Variants in NCKAP5 observed in about 807,000 individuals in gnomAD.
NCKAP5 encodes the protein nck-associated protein 5.
In NCKAP5, 92 loss-of-function variants were observed where a neutral mutation model predicts 167.0. That is an observed-to-expected ratio of 0.55 (90% CI 0.47 to 0.66). The LOEUF is 0.66. NCKAP5 is among the 30% of genes least tolerant of loss of function. The pLI, the probability that NCKAP5 is intolerant of heterozygous loss-of-function variation, is 0.00. For synonymous variants in NCKAP5, 891 were observed against 877.4 expected (o/e 1.02, Z -0.27); for missense variants, 2,378 against 2,315.0 (o/e 1.03, Z -0.56).
Position 133,038,965 on chromosome 2 carries a change from A to G in NCKAP5, c.342-44726T>C, listed in dbSNP as rs557221244. ...GCAAAAATGTCCAAAAACATTGCAC[A>G]CATCACAGGATCCCAGTTCTGGGAA... On this transcript the variant is annotated intron_variant, in intron 6 of 19. Transcript: ENST00000409261. 6.6e-5 allele frequency among the ~76,000 whole-genome samples: 10 copies of G among 152,296 alleles called. No homozygotes were observed. In the East Asian group the frequency reaches 1.5e-3, roughly 23 times the overall value.
chr2:133,658,975 C>G, the NCKAP5 span, among the ~76,000 whole-genome samples: 1 of 152,020 alleles, frequency 6.6e-6, no homozygotes, highest in Admixed American at 6.6e-5. Context: ...ACACTGACAG[C>G]TCCTCAGGAA....
At chr2:133,550,150 C>A (rs1687155928) in intron 2 of NCKAP5, among the ~76,000 whole-genome samples, 1 of 146,206 alleles carries the variant, frequency 6.8e-6, no homozygotes, top group Admixed American at 6.8e-5. Context: ...GGATTCACAG[C>A]TGAATTCTAC....
chr2:133,158,253 G>T (rs1280906378), intron 5 of NCKAP5, among the ~76,000 whole-genome samples: 1 of 152,134 alleles, frequency 6.6e-6, no homozygotes, highest in Non-Finnish European at 1.5e-5. Context: ...TATATTGATT[G>T]GATGCAGCTG....
chr2:133,538,571 G>A (rs1480421821), intron 2 of NCKAP5, among the ~76,000 whole-genome samples: 1 of 152,042 alleles, frequency 6.6e-6, no homozygotes, highest in African/African-American at 2.4e-5. Context: ...TGAGCTCAGA[G>A]AAGGAAAAGG....
chr2:132,893,665 C>T (rs561920724), intron 8 of NCKAP5, among the ~76,000 whole-genome samples: 2 of 152,170 alleles, frequency 1.3e-5, no homozygotes, highest in Non-Finnish European at 2.9e-5. Context: ...TTTCAAAAAG[C>T]AAGCAAATTA....
At chr2:133,561,610 G>A (rs926478572) in intron 1 of NCKAP5, among the ~76,000 whole-genome samples, 27 of 152,196 alleles carry the variant, frequency 1.8e-4, no homozygotes, top group African/African-American at 5.1e-4. Flanking sequence ...AAACCAGATC[G>A]TTTCTATTTA....
rs753035570 is a variant in NCKAP5, at chr2:132,783,998, G to T, written c.2813C>A (p.Ser938Tyr). 2.5e-6 allele frequency: 4 copies of T among 1,591,052 alleles called. No homozygotes were observed. In the East Asian group the frequency reaches 6.7e-5, roughly 27 times the overall value. Residue 938 changes from serine (S) to tyrosine (Y), a missense_variant, in exon 14 of 20, where the codon TCC (serine) becomes TAC (tyrosine). Coordinates refer to ENST00000409261, the MANE Select transcript of NCKAP5 (RefSeq NM_207363.3). ...SPPPPPGRSVSLLARPSYDYS... is the reference protein window; with the variant it reads ...SPPPPPGRSVYLLARPSYDYS... ...GTCATAGCTGGGCCTGGCCAGCAGG[G>T]AGACGGACCTGCCTGGAGGGGGCGG...
chr2:133,268,726 T>A (rs1304522336), intron 4 of NCKAP5, among the ~76,000 whole-genome samples: 1 of 152,192 alleles, frequency 6.6e-6, no homozygotes, highest in Non-Finnish European at 1.5e-5. Flanking sequence ...CGCCGCGGCC[T>A]CCAAAAGTGC....
chr2:132,772,931 A>C (rs557968942), intron 16 of NCKAP5, among the ~76,000 whole-genome samples: 8 of 152,308 alleles, frequency 5.3e-5, no homozygotes, highest in African/African-American at 1.9e-4. Flanking sequence ...TCCCAGTGAA[A>C]GGAGAGGAGA....
At chr2:133,383,047 C>A (rs897154659) in intron 3 of NCKAP5, among the ~76,000 whole-genome samples, 1 of 151,792 alleles carries the variant, frequency 6.6e-6, no homozygotes, top group Admixed American at 6.6e-5. Context: ...GTGATGCATT[C>A]TAGGATTGCT....
At chr2:132,943,658 C>T (rs1049264265) in intron 8 of NCKAP5, among the ~76,000 whole-genome samples, 2 of 152,180 alleles carry the variant, frequency 1.3e-5, no homozygotes, top group African/African-American at 4.8e-5. Context: ...CTTTTCAACA[C>T]ATCTGCAGCA....
intron 4 of NCKAP5, 48 bp downstream of exon 4, chr2:133,302,989 T>A: frequency 7.7e-7 from 1 of 1,297,528 alleles, no homozygotes; most frequent in Non-Finnish European, 1.1e-6. Context: ...AGCAAAGCTA[T>A]AAAGGATGCT....
chr2:132,778,340 T>C (rs998111717), intron 15 of NCKAP5, among the ~76,000 whole-genome samples: 3 of 152,084 alleles, frequency 2.0e-5, no homozygotes, highest in African/African-American at 7.2e-5. Context: ...CAAACATTAA[T>C]AGGACTTTGA....
chr2:133,196,844 T>C (rs2085457318), intron 5 of NCKAP5, among the ~76,000 whole-genome samples: 2 of 152,146 alleles, frequency 1.3e-5, no homozygotes, highest in South Asian at 4.1e-4. Context: ...TTCCCTTCTC[T>C]TGTTCCCTAG....
chr2:132,783,907 T>C lies in NCKAP5; in HGVS notation c.2904A>G (p.Pro968=). 1 of 1,551,854 alleles carries C rather than the reference T, an allele frequency of 6.4e-7. No homozygotes were observed. Among genetic ancestry groups the C allele is most frequent in the South Asian group, 1.3e-5 (1 of 79,690 alleles). ...TRVPSETART[P]FKSPLLKGIS... The stretch of plus-strand genomic sequence containing the variant: ...TTCCTTTCAGCAGCGGGGATTTGAA[T>C]GGGGTCCTTGCTGTTTCACTGGGGA... Residue 968 remains proline, a synonymous_variant, in exon 14 of 20, where the codon CCA becomes CCG. Coordinates refer to ENST00000409261, the MANE Select transcript of NCKAP5 (RefSeq NM_207363.3).
chr2:133,274,039 T>C (rs1484700943), intron 4 of NCKAP5, among the ~76,000 whole-genome samples: 3 of 151,824 alleles, frequency 2.0e-5, no homozygotes, highest in Non-Finnish European at 4.4e-5. Context: ...ACATTTCCTT[T>C]AAATTTTTCC....
chr2:133,232,060 G>A (rs1314576884), intron 4 of NCKAP5, among the ~76,000 whole-genome samples: 2 of 152,206 alleles, frequency 1.3e-5, no homozygotes, highest in East Asian at 1.9e-4. Flanking sequence ...CAAAAGCTGT[G>A]TGGGTTTTCT....
intron 3 of NCKAP5, among the ~76,000 whole-genome samples, chr2:133,359,154 G>T (rs1684928630): frequency 6.6e-6 from 1 of 152,168 alleles, no homozygotes; most frequent in African/African-American, 2.4e-5. Context: ...GGTAGTTTTA[G>T]CAGGCACCTT....
intron 6 of NCKAP5, among the ~76,000 whole-genome samples, chr2:133,067,112 G>A (rs543202787): frequency 3.9e-5 from 6 of 151,974 alleles, no homozygotes; most frequent in South Asian, 2.1e-4. Flanking sequence ...TGATCCTCCC[G>A]CCTCAGCCTC....
Sources: gnomAD v4.1 joint callset for allele counts (sites outside exome capture counted in the v4.1 genomes callset) on GRCh38, gnomAD v4.1.1 for gene constraint, MANE v1.5 for transcripts, NCBI Gene and HGNC (gene_info 2026-07-23, HGNC 2026-07-21) for gene names.